Variants in KHDC1 observed in about 807,000 individuals in gnomAD.
KHDC1 encodes the protein KH homology domain-containing protein 1.
A neutral mutation model predicts 24.7 loss-of-function variants in KHDC1; 21 were observed. The observed-to-expected ratio is 0.85, with a 90% CI of 0.60 to 1.23. The LOEUF is 1.23. KHDC1 is among the 50% of genes most tolerant of loss of function. The probability of loss-of-function intolerance (pLI) is 0.00; values close to 1 mark genes in which losing one functional copy is unlikely to be tolerated. For synonymous variants in KHDC1, 98 were observed against 111.7 expected (o/e 0.88, Z 0.77); for missense variants, 274 against 298.5 (o/e 0.92, Z 0.61).
At chr6:73,250,062 A>G (rs1301975733) in intron 2 of KHDC1, among the ~76,000 whole-genome samples, 1 of 152,222 alleles carries the variant, frequency 6.6e-6, no homozygotes, top group Admixed American at 6.5e-5. Context: ...CTTCAAATGT[A>G]TGGGTTTCAT....
At chr6:73,293,678 A>C (rs371212346) in intron 1 of KHDC1, among the ~76,000 whole-genome samples, 3 of 152,174 alleles carry the variant, frequency 2.0e-5, no homozygotes, top group East Asian at 3.9e-4. Context: ...AGGCTGAGGC[A>C]TGAGAATCAC....
intron 2 of KHDC1, chr6:73,274,955 CTGGAGGAGG>C (rs1192208830): frequency 6.5e-6 from 1 of 152,784 alleles, no homozygotes; most frequent in Non-Finnish European, 1.5e-5. Flanking sequence ...GCGGGTGCCC[CTGGAGGAGG>C]TGGAGCTTAC....
At chr6:73,259,913 T>C (rs747535946) in intron 2 of KHDC1, among the ~76,000 whole-genome samples, 50 of 152,208 alleles carry the variant, frequency 3.3e-4, no homozygotes, top group Non-Finnish European at 5.7e-4. Flanking sequence ...TAACCAATTA[T>C]CTGGCTGTTT....
chr6:73,270,021 C>T (rs1470710481), intron 2 of KHDC1: 2 of 152,116 alleles, frequency 1.3e-5, no homozygotes, highest in African/African-American at 2.4e-5. Context: ...AGTGATCCTC[C>T]CTCCTTGGCC....
chr6:73,262,976 T>C, intron 2 of KHDC1: 1 of 997,820 alleles, frequency 1.0e-6, no homozygotes, highest in Non-Finnish European at 1.2e-6. Context: ...AAGGCTGGGC[T>C]TTGACGGTAG....
At chr6:73,271,200 G>A (rs992136891) in intron 2 of KHDC1, among the ~76,000 whole-genome samples, 1 of 150,230 alleles carries the variant, frequency 6.7e-6, no homozygotes, top group East Asian at 2.0e-4. Context: ...AAATGTTTTG[G>A]TTTTTTTTTG....
chr6:73,254,888 G>C (rs1038480770), intron 2 of KHDC1, among the ~76,000 whole-genome samples: 1 of 151,996 alleles, frequency 6.6e-6, no homozygotes, highest in African/African-American at 2.4e-5. Flanking sequence ...TTTAGTCCTA[G>C]CTACTCGGGA....
At chr6:73,286,340 T>G (rs1767523525) in intron 2 of KHDC1, among the ~76,000 whole-genome samples, 1 of 152,214 alleles carries the variant, frequency 6.6e-6, no homozygotes, top group Non-Finnish European at 1.5e-5. Flanking sequence ...TTTCTCAGAT[T>G]CACTGCTCTT....
At chr6:73,254,469 AATAAATAAATAAAT>A (rs1444323594) in intron 2 of KHDC1, among the ~76,000 whole-genome samples, 12 of 26,008 alleles carry the variant, frequency 4.6e-4, no homozygotes, top group Non-Finnish European at 8.4e-4. Flanking sequence ...TTAAAATAAA[AATAAATAAATAAAT>A]AAATAAATAA....
At chr6:73,285,100 C>T (rs1320238188) in intron 2 of KHDC1, among the ~76,000 whole-genome samples, 1 of 152,124 alleles carries the variant, frequency 6.6e-6, no homozygotes, top group Non-Finnish European at 1.5e-5. Context: ...CCACCTCAGC[C>T]TCCCAAAGTG....
exon 1 of KHDC1, chr6:73,309,753 G>A: frequency 6.5e-7 from 1 of 1,547,864 alleles, no homozygotes; most frequent in Non-Finnish European, 8.7e-7. Context: ...GTGCGCTAAG[G>A]CACGAGTAGT....
chr6:73,261,451 A>G (rs1467351006), intron 2 of KHDC1, among the ~76,000 whole-genome samples: 1 of 151,224 alleles, frequency 6.6e-6, no homozygotes, highest in Non-Finnish European at 1.5e-5. Context: ...AAATAAATAA[A>G]TAAAATTTTT....
At chr6:73,264,499 A>G (rs1767046820) in intron 2 of KHDC1, among the ~76,000 whole-genome samples, 1 of 152,158 alleles carries the variant, frequency 6.6e-6, no homozygotes, top group Admixed American at 6.5e-5. Context: ...CTTGATGAAG[A>G]ACGCCTGTAG....
chr6:73,298,524 C>T (rs1301299218), intron 1 of KHDC1, among the ~76,000 whole-genome samples: 2 of 148,738 alleles, frequency 1.3e-5, no homozygotes, highest in African/African-American at 2.5e-5. Flanking sequence ...CAACCTCCGC[C>T]TCCCGGGTTC....
chr6:73,257,809 T>C (rs1766907913), intron 2 of KHDC1, among the ~76,000 whole-genome samples: 1 of 152,104 alleles, frequency 6.6e-6, no homozygotes, highest in South Asian at 2.1e-4. Flanking sequence ...TATGATTTCA[T>C]ATATATGAAA....
At chr6:73,286,916 G>A (rs1767533909) in intron 2 of KHDC1, among the ~76,000 whole-genome samples, 1 of 151,108 alleles carries the variant, frequency 6.6e-6, no homozygotes, top group Non-Finnish European at 1.5e-5. Flanking sequence ...ACTGCTTTCA[G>A]GATTTAATGC....
intron 2 of KHDC1, among the ~76,000 whole-genome samples, chr6:73,288,434 A>C (rs1189752587): frequency 6.6e-6 from 1 of 152,212 alleles, no homozygotes; most frequent in Non-Finnish European, 1.5e-5. Flanking sequence ...CAGCCTGGGC[A>C]ACATGGTTAA....
At chr6:73,271,324 C>G (rs1434569508) in intron 2 of KHDC1, among the ~76,000 whole-genome samples, 2 of 151,726 alleles carry the variant, frequency 1.3e-5, no homozygotes, top group African/African-American at 2.4e-5. Flanking sequence ...GATTTTCTGC[C>G]TCAGCCTCCT....
chr6:73,286,169 C>G (rs1767515347), intron 2 of KHDC1, among the ~76,000 whole-genome samples: 1 of 152,172 alleles, frequency 6.6e-6, no homozygotes, highest in South Asian at 2.1e-4. Flanking sequence ...CACAGTGTGT[C>G]AGGGAATAAG....
Sources: allele counts gnomAD v4.1 joint callset (sites outside exome capture counted in the v4.1 genomes callset), GRCh38; gene constraint gnomAD v4.1.1; transcripts MANE v1.5; gene names NCBI Gene and HGNC (gene_info 2026-07-23, HGNC 2026-07-21).